Variants in GLRB observed in about 807,000 individuals in gnomAD.
GLRB encodes glycine receptor subunit beta.
A neutral mutation model predicts 54.2 loss-of-function variants in GLRB; 33 were observed. That is an observed-to-expected ratio of 0.61 (90% CI 0.46 to 0.81). The LOEUF is 0.81. Among genes scored for constraint, GLRB ranks in the 40% least tolerant of loss-of-function variants. The probability of loss-of-function intolerance (pLI) is 0.00; values close to 1 mark genes in which losing one functional copy is unlikely to be tolerated. For missense variants in GLRB, 572 were observed against 584.6 expected (o/e 0.98, Z 0.22); for synonymous variants, 209 against 208.2 (o/e 1.00, Z -0.03).
At chr4:157,112,200 A>G (rs571547700) in intron 2 of GLRB, among the ~76,000 whole-genome samples, 2 of 152,024 alleles carry the variant, frequency 1.3e-5, no homozygotes, top group African/African-American at 2.4e-5. Context: ...AAATCTAGAT[A>G]TGGGTGATGG....
intron 2 of GLRB, among the ~76,000 whole-genome samples, chr4:157,103,096 G>T (rs978474005): frequency 2.7e-5 from 4 of 150,866 alleles, no homozygotes; most frequent in African/African-American, 9.8e-5. Context: ...GTTGTGGTAA[G>T]CTGAGATCAC....
intron 8 of GLRB, among the ~76,000 whole-genome samples, chr4:157,149,554 A>G (rs913722211): frequency 1.3e-5 from 2 of 152,116 alleles, no homozygotes; most frequent in Non-Finnish European, 2.9e-5. Context: ...TTTGGGTCAA[A>G]GTTCCCTTTC....
At chr4:157,092,327 T>C (rs1292867904) in intron 2 of GLRB, among the ~76,000 whole-genome samples, 1 of 152,208 alleles carries the variant, frequency 6.6e-6, no homozygotes, top group Non-Finnish European at 1.5e-5. Flanking sequence ...AAAACAGAAA[T>C]AAGAATCTGT....
At chr4:157,151,695 T>C (rs533641446) in intron 8 of GLRB, among the ~76,000 whole-genome samples, 2 of 152,222 alleles carry the variant, frequency 1.3e-5, no homozygotes, top group South Asian at 4.1e-4. Context: ...AATACTAATA[T>C]AGTGTTTGTA....
rs3822160 is a variant in GLRB at position 157,076,225 on chromosome 4, T to C, written c.-102T>C. ...CCCCCGCTCGGCGCCCGCTGCACCCTTAGCAGCCACTGCCACCTGGGCCCG... is the reference window on the plus strand; with the variant it reads ...CCCCCGCTCGGCGCCCGCTGCACCCCTAGCAGCCACTGCCACCTGGGCCCG... On this transcript the variant is annotated 5_prime_UTR_variant, in exon 1 of 10. Transcript: ENST00000264428. 59,240 of 150,736 alleles carry C rather than the reference T, an allele frequency of 0.39. 14,059 individuals carry two copies. The highest frequency in any genetic ancestry group is 0.67 in the African/African-American group (27,689 of 41,292). 9.3% of individuals were successfully genotyped at this position (150,736 alleles called of 1,614,324 possible).
chr4:157,129,820 T>TA (rs1553996628), intron 4 of GLRB, among the ~76,000 whole-genome samples: 2 of 151,550 alleles, frequency 1.3e-5, no homozygotes, highest in African/African-American at 2.4e-5. Context: ...TAGGAGATGC[T>TA]AAAAAATGTG....
intron 2 of GLRB, among the ~76,000 whole-genome samples, chr4:157,078,514 A>C (rs898704233): frequency 6.6e-6 from 1 of 150,460 alleles, no homozygotes; most frequent in East Asian, 1.9e-4. Context: ...GTTTTTTTTT[A>C]AAAAAACCCT....
At chr4:157,129,207 T>C (rs1401202763) in intron 4 of GLRB, among the ~76,000 whole-genome samples, 2 of 151,794 alleles carry the variant, frequency 1.3e-5, no homozygotes, top group African/African-American at 4.8e-5. Flanking sequence ...CAATGAATAG[T>C]ATTTGTCACC....
intron 2 of GLRB, among the ~76,000 whole-genome samples, chr4:157,116,542 TACTA>T (rs1386596980): frequency 6.6e-6 from 1 of 151,762 alleles, no homozygotes; most frequent in Non-Finnish European, 1.5e-5. Context: ...TGTTAAGTAA[TACTA>T]ACTTACTTTC....
chr4:157,157,492 C>A (rs976694957), intron 9 of GLRB, among the ~76,000 whole-genome samples: 2 of 152,040 alleles, frequency 1.3e-5, no homozygotes, highest in Non-Finnish European at 2.9e-5. Flanking sequence ...CCTCCCCGCT[C>A]CCCCCACCCC....
intron 4 of GLRB, among the ~76,000 whole-genome samples, chr4:157,123,204 A>G (rs1735896403): frequency 6.6e-6 from 1 of 151,736 alleles, no homozygotes; most frequent in Admixed American, 6.6e-5. Context: ...AAGACCTAAG[A>G]TTTATTTTCC....
rs1274702832 is a variant in GLRB at position 157,120,627 on chromosome 4, T to A, written c.194T>A (p.Val65Asp). Residue 65 changes from valine (V) to aspartate (D), a missense_variant, in exon 3 of 10, where the codon GTC (valine) becomes GAC (aspartate). By Grantham distance (152) the Val-to-Asp change is radical. Coordinates refer to ENST00000264428, the MANE Select transcript of GLRB (RefSeq NM_000824.5). Reference protein sequence around the residue: ...STSNILNRLLVSYDPRIRPNF... With the variant: ...STSNILNRLLDSYDPRIRPNF... The stretch of plus-strand genomic sequence containing the variant: ...AGCAATATCTTGAACAGGTTATTGG[T>A]CAGTTATGATCCCAGGATAAGACCA... The A allele has an allele frequency of 6.3e-7, 1 of 1,594,450 alleles. No individual in the cohort carries two copies. Among genetic ancestry groups the A allele is most frequent in the African/African-American group, 1.3e-5 (1 of 74,326 alleles).
chr4:157,128,577 A>T (rs1236602726), intron 4 of GLRB, among the ~76,000 whole-genome samples: 1 of 151,864 alleles, frequency 6.6e-6, no homozygotes, highest in Non-Finnish European at 1.5e-5. Flanking sequence ...CAGCCTCAGC[A>T]GGTCTCTATT....
At chr4:157,093,754 CA>C (rs70958808) in intron 2 of GLRB, among the ~76,000 whole-genome samples, 17,808 of 60,840 alleles carry the variant, frequency 0.29, 945 homozygotes, top group Admixed American at 0.38. Context: ...GACTCCATCT[CA>C]AAAAAAAAAA....
At chr4:157,166,386 A>AT (rs1305242458) in intron 9 of GLRB, among the ~76,000 whole-genome samples, 141 of 152,164 alleles carry the variant, frequency 9.3e-4, no homozygotes, top group African/African-American at 3.1e-3. Context: ...TGTTTAAAAT[A>AT]GTATTTATAG....
At chr4:157,128,506 A>C (rs77966353) in intron 4 of GLRB, among the ~76,000 whole-genome samples, 7,114 of 151,928 alleles carry the variant, frequency 0.047, 178 homozygotes, top group African/African-American at 0.056. Context: ...TGTCAACATG[A>C]TACAGAAGGC....
At chr4:157,141,420 T>A (rs1223948241) in intron 7 of GLRB, among the ~76,000 whole-genome samples, 1 of 151,926 alleles carries the variant, frequency 6.6e-6, no homozygotes, top group Non-Finnish European at 1.5e-5. Context: ...AGTATAAATA[T>A]ATATATGAGC....
chr4:157,164,719 G>T (rs1209944298), intron 9 of GLRB, among the ~76,000 whole-genome samples: 3 of 152,046 alleles, frequency 2.0e-5, no homozygotes, highest in African/African-American at 7.2e-5. Flanking sequence ...ATCAAGTAGG[G>T]GTACTGATAG....
chr4:157,152,898 C>A lies in GLRB; in HGVS notation c.1085C>A (p.Ala362Asp). Residue 362 changes from alanine to aspartate, a missense_variant, in exon 9 of 10, where the codon GCT becomes GAT. Transcript: ENST00000264428. ...VMLNNPKRVEAEKARIAKAEQ... is the reference protein window; with the variant it reads ...VMLNNPKRVEDEKARIAKAEQ... The stretch of plus-strand genomic sequence containing the variant: ...CTGAACAACCCCAAAAGGGTTGAAG[C>A]TGAAAAAGCCAGAATTGCTAAGGCT... 6.2e-7 allele frequency: 1 copy of A among 1,613,910 alleles called. No individual in the cohort carries two copies. Among genetic ancestry groups the A allele is most frequent in the Non-Finnish European group, 8.5e-7 (1 of 1,179,894 alleles).
Sources: gnomAD v4.1 joint callset for allele counts (sites outside exome capture counted in the v4.1 genomes callset) on GRCh38, gnomAD v4.1.1 for gene constraint, MANE v1.5 for transcripts, NCBI Gene and HGNC (gene_info 2026-07-23, HGNC 2026-07-21) for gene names.